Variants in RAB3IP observed in about 807,000 individuals in gnomAD.
The protein encoded by RAB3IP is rab-3A-interacting protein.
A neutral mutation model predicts 59.1 loss-of-function variants in RAB3IP; 36 were observed. The ratio of observed to expected loss-of-function variants is 0.61; its 90% CI spans 0.47 to 0.80. The LOEUF is 0.80. Ranked by LOEUF, RAB3IP falls within the 30% of genes least tolerant of loss-of-function variation. The pLI is 0.00. For synonymous variants in RAB3IP, 207 were observed against 191.2 expected (o/e 1.08, Z -0.68); for missense variants, 511 against 536.0 (o/e 0.95, Z 0.46).
chr12:69,806,570 G>GTTTTTTTTTTTTTTTTTTTTTTT (rs35262716), intron 8 of RAB3IP, among the ~76,000 whole-genome samples: 6 of 68,486 alleles, frequency 8.8e-5, no homozygotes, highest in Non-Finnish European at 1.1e-4. Context: ...TGCTTCTCTA[G>GTTTTTTTTTTTTTTTTTTTTTTT]TTTTTTTTTT....
chr12:69,756,758 G>A lies in RAB3IP; in HGVS notation c.510+95G>A, dbSNP rs959820015. ...AACCTGCAGAAATGAAATCATGATGGTTGTACATTTATCCGTCACATATGC... is the reference window on the plus strand; with the variant it reads ...AACCTGCAGAAATGAAATCATGATGATTGTACATTTATCCGTCACATATGC... On this transcript the variant is annotated intron_variant, in intron 3 of 10. Transcript: ENST00000247833. 1.2e-4 allele frequency: 125 copies of A among 1,016,762 alleles called. 2 individuals are homozygous for A. The highest frequency in any genetic ancestry group is 5.9e-4 in the South Asian group (35 of 59,624). The allele number at this position is 1,016,762 out of a possible 1,614,324, so 63.0% of individuals were successfully genotyped here. A position where few individuals can be genotyped will look rare whatever the true frequency, so the allele number is the denominator to read the frequency against.
At chr12:69,766,241 A>C (rs562977231) in intron 3 of RAB3IP, among the ~76,000 whole-genome samples, 31 of 152,278 alleles carry the variant, frequency 2.0e-4, no homozygotes, top group Admixed American at 7.8e-4. Context: ...TACTCCCTCA[A>C]ATATGTTTTC....
intron 3 of RAB3IP, among the ~76,000 whole-genome samples, chr12:69,765,865 T>C (rs956305817): frequency 6.6e-6 from 1 of 152,246 alleles, no homozygotes; most frequent in African/African-American, 2.4e-5. Flanking sequence ...AGCAGTTGCT[T>C]GTCTGGAAAA....
At chr12:69,759,061 T>C (rs1487583210) in intron 3 of RAB3IP, among the ~76,000 whole-genome samples, 1 of 150,186 alleles carries the variant, frequency 6.7e-6, no homozygotes, top group African/African-American at 2.5e-5. Context: ...CATAGGACAA[T>C]AGTGGAGGGA....
intron 8 of RAB3IP, among the ~76,000 whole-genome samples, chr12:69,804,923 G>A (rs1879006359): frequency 6.6e-6 from 1 of 152,212 alleles, no homozygotes; most frequent in African/African-American, 2.4e-5. Flanking sequence ...TTGAAGTCAG[G>A]TAGCGTGATG....
intron 4 of RAB3IP, among the ~76,000 whole-genome samples, chr12:69,785,631 T>C (rs747773065): frequency 5.9e-5 from 9 of 152,218 alleles, no homozygotes; most frequent in Non-Finnish European, 1.2e-4. Context: ...TTTTTTGTTC[T>C]ATTCAGGCCA....
intron 1 of RAB3IP, chr12:69,739,714 C>A: frequency 1.2e-6 from 1 of 866,996 alleles, no homozygotes; most frequent in Non-Finnish European, 1.9e-6. Flanking sequence ...ACGAACTGCA[C>A]GGGTGGGATT....
At position 69,804,679 on chromosome 12, in the gene RAB3IP, G is replaced by A. The variant is rs564167478; in HGVS notation, c.1130+2958G>A. Among the ~76,000 whole-genome samples, 707 of 152,142 alleles carry A rather than the reference G, an allele frequency of 4.6e-3. 3 individuals carry two copies. Among genetic ancestry groups the A allele is most frequent in the Middle Eastern group, 0.01 (3 of 294 alleles). On this transcript the variant is annotated intron_variant, in intron 8 of 10. Transcript: ENST00000247833. ...TCTTGAATTAATTTTTGTATAAGGTGTAAGGAAGGGATCCAGTTTCAGCTT... is the reference window on the plus strand; with the variant it reads ...TCTTGAATTAATTTTTGTATAAGGTATAAGGAAGGGATCCAGTTTCAGCTT...
intron 1 of RAB3IP, among the ~76,000 whole-genome samples, chr12:69,743,144 A>G (rs537337377): frequency 1.3e-5 from 2 of 152,344 alleles, no homozygotes; most frequent in Admixed American, 6.5e-5. Context: ...CCCTATGAGC[A>G]TAAAGGAGCA....
chr12:69,797,518 CT>C (rs1249343968), intron 6 of RAB3IP, among the ~76,000 whole-genome samples: 18 of 34,158 alleles, frequency 5.3e-4, no homozygotes, highest in Admixed American at 6.3e-4. Flanking sequence ...TTGCATCTTT[CT>C]TTTTTTTTTA....
chr12:69,769,408 A>G (rs1261813718), intron 3 of RAB3IP, among the ~76,000 whole-genome samples: 1 of 152,192 alleles, frequency 6.6e-6, no homozygotes, highest in Non-Finnish European at 1.5e-5. Context: ...AGGGAACCCC[A>G]GTGGACAGGT....
At chr12:69,764,108 C>G (rs1871809042) in intron 3 of RAB3IP, among the ~76,000 whole-genome samples, 1 of 152,098 alleles carries the variant, frequency 6.6e-6, no homozygotes, top group South Asian at 2.1e-4. Context: ...AGTTTATTTT[C>G]TTTTGGATAT....
chr12:69,773,157 G>A (rs1216629846), intron 3 of RAB3IP, among the ~76,000 whole-genome samples: 1 of 151,954 alleles, frequency 6.6e-6, no homozygotes, highest in Non-Finnish European at 1.5e-5. Context: ...GAGAAGTTTG[G>A]TGCCAGGCAT....
chr12:69,811,562 A>C (rs944846214), intron 8 of RAB3IP, among the ~76,000 whole-genome samples: 1 of 152,196 alleles, frequency 6.6e-6, no homozygotes, highest in Non-Finnish European at 1.5e-5. Flanking sequence ...TTTTCCTCTT[A>C]TGCAAATTAT....
intron 8 of RAB3IP, 36 bp from the exon 9 acceptor site, chr12:69,812,742 C>T (rs1565934887): frequency 6.9e-7 from 1 of 1,448,228 alleles, no homozygotes; most frequent in East Asian, 2.3e-5. Context: ...AAATGCTTTT[C>T]ATTTCAAAAA....
chr12:69,760,399 GAGGGAGAGGGAGACTGT>G (rs988781766), intron 3 of RAB3IP, among the ~76,000 whole-genome samples: 4 of 152,178 alleles, frequency 2.6e-5, no homozygotes. Flanking sequence ...ACCGTGGGGA[GAGGGAGAGGGAGACTGT>G]GGGGAGAGGG....
chr12:69,739,657 C>T, intron 1 of RAB3IP: 2 of 631,600 alleles, frequency 3.2e-6, no homozygotes, highest in East Asian at 5.6e-5. Context: ...GAGTCGCGCC[C>T]AAGTAGGCAG....
At chr12:69,779,293 C>T (rs1031187645) in intron 3 of RAB3IP, 2 of 143,648 alleles carry the variant, frequency 1.4e-5, no homozygotes, top group African/African-American at 5.2e-5. Flanking sequence ...TGCGCACACA[C>T]ACTGGCCTGC....
chr12:69,814,791 A>G (rs1415103350), intron 10 of RAB3IP, among the ~76,000 whole-genome samples: 1 of 152,184 alleles, frequency 6.6e-6, no homozygotes, highest in Non-Finnish European at 1.5e-5. Context: ...ACGTTTTTCC[A>G]CTTACAGTGG....
Sources: allele counts gnomAD v4.1 joint callset (sites outside exome capture counted in the v4.1 genomes callset), GRCh38; gene constraint gnomAD v4.1.1; transcripts MANE v1.5; gene names NCBI Gene and HGNC (gene_info 2026-07-23, HGNC 2026-07-21).